TEKT1: variants seen among roughly 807,000 people sequenced by gnomAD.
TEKT1 encodes tektin 1, also known as tektin-1.
Under a neutral mutation model 34.8 loss-of-function variants are expected in TEKT1, and 32 were observed. The ratio of observed to expected loss-of-function variants is 0.92; its 90% CI spans 0.69 to 1.23. The LOEUF is 1.23. Ranked by LOEUF, TEKT1 falls within the 50% of genes most tolerant of loss-of-function variation. The pLI is 0.00. For missense variants in TEKT1, 492 were observed against 518.5 expected, an observed-to-expected ratio of 0.95 and a Z score of 0.50; for synonymous variants, 207 against 199.8, an observed-to-expected ratio of 1.04 and a Z score of -0.30.
chr17:6,810,744 T>G (rs545641525), intron 6 of TEKT1, among the ~76,000 whole-genome samples: 40 of 150,480 alleles, frequency 2.7e-4, no homozygotes, highest in Admixed American at 2.4e-3. Flanking sequence ...TTTATTTTTA[T>G]GCATTTTTTT....
rs1300790524 is a variant in TEKT1 at position 6,798,542 on chromosome 17, T to A, written c.*1485A>T. 6.6e-6 allele frequency: 1 copy of A among 152,260 alleles called. No homozygotes were observed. Among genetic ancestry groups the A allele is most frequent in the Non-Finnish European group, 1.5e-5 (1 of 68,092 alleles). 9.4% of individuals were successfully genotyped at this position (152,260 alleles called of 1,614,324 possible). A position where few individuals can be genotyped will look rare whatever the true frequency, so the allele number is the denominator to read the frequency against. On this transcript the variant is annotated 3_prime_UTR_variant, in exon 8 of 8. Coordinates refer to ENST00000338694, the MANE Select transcript of TEKT1 (RefSeq NM_053285.2). ...GGGGCCTCCCTCCTTGATTGAGGCA[T>A]GGGAAGGGCTGTGTATTTGCTGAGC...
intron 6 of TEKT1, among the ~76,000 whole-genome samples, chr17:6,805,593 T>C (rs1402430553): frequency 6.6e-6 from 1 of 152,250 alleles, no homozygotes; most frequent in Non-Finnish European, 1.5e-5. Flanking sequence ...TGCTTTCTCT[T>C]GTGGGCATTT....
chr17:6,809,618 C>T (rs1432407543), intron 6 of TEKT1, among the ~76,000 whole-genome samples: 1 of 152,190 alleles, frequency 6.6e-6, no homozygotes, highest in Non-Finnish European at 1.5e-5. Flanking sequence ...TAGAACACCC[C>T]TGGGCTGCTT....
chr17:6,822,329 G>T (rs1040845412), intron 2 of TEKT1, among the ~76,000 whole-genome samples: 1 of 152,092 alleles, frequency 6.6e-6, no homozygotes, highest in Non-Finnish European at 1.5e-5. Flanking sequence ...AGAGGCAAGG[G>T]TCTCTCTGTG....
chr17:6,812,718 AC>A, intron 6 of TEKT1, 112 bp downstream of exon 6: 1 of 1,032,336 alleles, frequency 9.7e-7, no homozygotes, highest in Non-Finnish European at 1.4e-6. Context: ...CCACGAGTTA[AC>A]CCAATATCCC....
In TEKT1 at chr17:6,800,132, A is replaced by G; in HGVS notation, c.1152T>C (p.Tyr384=). 4 of 1,614,208 alleles carry G rather than the reference A, an allele frequency of 2.5e-6. No homozygotes were observed. Among genetic ancestry groups the G allele is most frequent in the Middle Eastern group, 1.6e-4 (1 of 6,062 alleles). The change falls in exon 8 of 8, where the codon TAT becomes TAC. Residue 384 remains tyrosine (Y), a synonymous_variant. Transcript: ENST00000338694. Reference sequence around the variant, plus strand: ...TCTGCATACACAGCACTTCGTCGATATAAATGGTGTTCTCTTTGACCTGGA... The same window carrying G: ...TCTGCATACACAGCACTTCGTCGATGTAAATGGTGTTCTCTTTGACCTGGA... ...EEIQVKENTI[Y]IDEVLCMQMR...
At chr17:6,808,460 C>T (rs991665631) in intron 6 of TEKT1, among the ~76,000 whole-genome samples, 6 of 152,142 alleles carry the variant, frequency 3.9e-5, no homozygotes, top group Non-Finnish European at 7.3e-5. Context: ...GCTTGGTGCG[C>T]TGCACCCACT....
intron 3 of TEKT1, among the ~76,000 whole-genome samples, chr17:6,818,207 A>C (rs1977033860): frequency 6.6e-6 from 1 of 152,144 alleles, no homozygotes; most frequent in Non-Finnish European, 1.5e-5. Flanking sequence ...ATTTATCTTG[A>C]AGCCATTGGG....
intron 2 of TEKT1, among the ~76,000 whole-genome samples, chr17:6,823,293 A>G (rs554438259): frequency 6.6e-6 from 1 of 152,336 alleles, no homozygotes; most frequent in African/African-American, 2.4e-5. Context: ...TTTCTGCAGC[A>G]TGAATCAGCT....
intron 6 of TEKT1, among the ~76,000 whole-genome samples, chr17:6,807,091 A>G (rs1340906575): frequency 6.6e-6 from 1 of 152,170 alleles, no homozygotes. Flanking sequence ...TCTCCCCATC[A>G]CTTTCAGGTA....
chr17:6,826,455 A>G (rs1469904302), intron 2 of TEKT1, among the ~76,000 whole-genome samples: 1 of 152,140 alleles, frequency 6.6e-6, no homozygotes, highest in East Asian at 1.9e-4. Context: ...ATTTTAATAT[A>G]GTCTAATTTA....
intron 5 of TEKT1, chr17:6,814,854 G>C: frequency 4.2e-6 from 1 of 236,074 alleles, no homozygotes; most frequent in Non-Finnish European, 8.2e-6. Flanking sequence ...AAAAGGGGGG[G>C]GGAAATTCAC....
intron 5 of TEKT1, among the ~76,000 whole-genome samples, chr17:6,814,621 G>A (rs377673017): frequency 3.3e-5 from 5 of 152,236 alleles, no homozygotes; most frequent in African/African-American, 4.8e-5. Context: ...GGCAGATCAC[G>A]AGGTCAGGAG....
chr17:6,801,651 T>G (rs1976774753), intron 6 of TEKT1, among the ~76,000 whole-genome samples: 2 of 152,014 alleles, frequency 1.3e-5, no homozygotes, highest in Admixed American at 1.3e-4. Context: ...GAGGTTGCAG[T>G]GAGCCAAGAT....
intron 6 of TEKT1, among the ~76,000 whole-genome samples, chr17:6,810,363 G>C (rs985014509): frequency 1.3e-5 from 2 of 152,110 alleles, no homozygotes; most frequent in Non-Finnish European, 2.9e-5. Context: ...GTACGTTTTG[G>C]ATAACAATTC....
rs756179015 is a variant in TEKT1, at chr17:6,819,370, G to A, written c.191-12C>T. On this transcript the variant is annotated splice_polypyrimidine_tract_variant and intron_variant, in intron 2 of 7. Coordinates refer to ENST00000338694, the MANE Select transcript of TEKT1 (RefSeq NM_053285.2). ...CTCGAGTCTCTGTTCTGAAGCACAC[G>A]GGGAAGTTACACCAGGGCTAATCTA... The A allele has an allele frequency of 2.9e-5, 47 of 1,607,418 alleles. No individual in the cohort carries two copies. In the Admixed American group the frequency reaches 4.7e-4, roughly 16 times the overall value.
chr17:6,828,908 T>C (rs1904485075), intron 2 of TEKT1, among the ~76,000 whole-genome samples: 1 of 152,132 alleles, frequency 6.6e-6, no homozygotes, highest in African/African-American at 2.4e-5. Context: ...TCCCAGACTT[T>C]GGGAGGCTGA....
chr17:6,812,122 A>T (rs1228128680), intron 6 of TEKT1, among the ~76,000 whole-genome samples: 1 of 152,020 alleles, frequency 6.6e-6, no homozygotes, highest in African/African-American at 2.4e-5. Flanking sequence ...TGATGGTTTT[A>T]AAAGTGGCAG....
intron 6 of TEKT1, among the ~76,000 whole-genome samples, chr17:6,806,578 T>C (rs973851349): frequency 6.6e-6 from 1 of 152,238 alleles, no homozygotes; most frequent in African/African-American, 2.4e-5. Flanking sequence ...GTCTTTACAA[T>C]TTGGCATGTT....
Sources: allele counts gnomAD v4.1 joint callset (sites outside exome capture counted in the v4.1 genomes callset), GRCh38; gene constraint gnomAD v4.1.1; transcripts MANE v1.5; gene names NCBI Gene and HGNC (gene_info 2026-07-23, HGNC 2026-07-21).